TSHZ3: variants seen among roughly 807,000 people sequenced by gnomAD.
TSHZ3 encodes teashirt homolog 3.
A neutral mutation model predicts 64.5 loss-of-function variants in TSHZ3; 10 were observed. That is an observed-to-expected ratio of 0.16 (90% CI 0.10 to 0.26). The LOEUF (loss-of-function observed/expected upper bound fraction) is 0.26, where lower values mean the gene tolerates loss of function less well. TSHZ3 is among the 10% of genes least tolerant of loss of function. TSHZ3 has a pLI of 1.00. For synonymous variants in TSHZ3, 608 were observed against 593.1 expected (o/e 1.03, Z -0.36); for missense variants, 1,242 against 1,421.7 (o/e 0.87, Z 2.03).
At chr19:31,238,001 T>C (rs1975641751) in intron 3 of TSHZ3, among the ~76,000 whole-genome samples, 1 of 152,204 alleles carries the variant, frequency 6.6e-6, no homozygotes, top group African/African-American at 2.4e-5. Context: ...TGATATTTAT[T>C]TTATGACTAG....
chr19:31,235,550 G>A (rs1301767390), intron 3 of TSHZ3, among the ~76,000 whole-genome samples: 1 of 151,952 alleles, frequency 6.6e-6, no homozygotes, highest in Non-Finnish European at 1.5e-5. Context: ...GTATGTGTGT[G>A]TGTGTGTGTG....
chr19:31,199,754 A>G (rs867025492), intron 5 of TSHZ3, among the ~76,000 whole-genome samples: 6 of 146,028 alleles, frequency 4.1e-5, no homozygotes, highest in African/African-American at 1.0e-4. Flanking sequence ...GTTTTGCGAA[A>G]GACAGTGTCA....
intron 5 of TSHZ3, among the ~76,000 whole-genome samples, chr19:31,169,407 A>G (rs1974503878): frequency 6.6e-6 from 1 of 152,224 alleles, no homozygotes; most frequent in Admixed American, 6.5e-5. Flanking sequence ...TAAATAGGCA[A>G]AATGCCATAG....
chr19:31,177,931 A>G (rs1184133312), intron 5 of TSHZ3, among the ~76,000 whole-genome samples: 1 of 152,160 alleles, frequency 6.6e-6, no homozygotes, highest in Non-Finnish European at 1.5e-5. Flanking sequence ...AGGCTCCTGT[A>G]GTCCACTTTC....
chr19:31,225,471 T>C (rs1439249489), intron 4 of TSHZ3, among the ~76,000 whole-genome samples: 1 of 152,190 alleles, frequency 6.6e-6, no homozygotes, highest in Non-Finnish European at 1.5e-5. Flanking sequence ...CAGCAACATG[T>C]TCAACGCATC....
At chr19:31,178,931 C>T (rs1036562851) in intron 5 of TSHZ3, among the ~76,000 whole-genome samples, 1 of 152,156 alleles carries the variant, frequency 6.6e-6, no homozygotes, top group African/African-American at 2.4e-5. Context: ...AAATGTGCAC[C>T]TGTGCCTCTG....
intron 5 of TSHZ3, among the ~76,000 whole-genome samples, chr19:31,163,692 C>A (rs775432209): frequency 6.6e-6 from 1 of 152,178 alleles, no homozygotes; most frequent in Non-Finnish European, 1.5e-5. Flanking sequence ...GATGGTACCA[C>A]TGCACTCCAA....
chr19:31,252,323 A>G (rs1463325787), intron 1 of TSHZ3, among the ~76,000 whole-genome samples: 1 of 151,964 alleles, frequency 6.6e-6, no homozygotes, highest in African/African-American at 2.4e-5. Flanking sequence ...GTCTCTCCCT[A>G]TGCCAGCTCC....
intron 1 of TSHZ3, among the ~76,000 whole-genome samples, chr19:31,323,888 A>G (rs1017363601): frequency 6.6e-6 from 1 of 150,762 alleles, no homozygotes; most frequent in Non-Finnish European, 1.5e-5. Flanking sequence ...ACACACACAC[A>G]CACACACACA....
At chr19:31,290,608 G>C (rs572273915) in intron 1 of TSHZ3, among the ~76,000 whole-genome samples, 2 of 152,150 alleles carry the variant, frequency 1.3e-5, no homozygotes, top group Non-Finnish European at 2.9e-5. Context: ...CTGGGCACCC[G>C]GAGTCACCTA....
chr19:31,350,160 C>G (rs1426006539), upstream of TSHZ3, among the ~76,000 whole-genome samples: 1 of 149,266 alleles, frequency 6.7e-6, no homozygotes, highest in Non-Finnish European at 1.5e-5. Flanking sequence ...CGGGCCGGGG[C>G]TGGCGTCCCC....
In TSHZ3 at chr19:31,227,023, G is replaced by A. The variant is rs534811947; in HGVS notation, n.686+982C>T. On this transcript the variant is annotated intron_variant and non_coding_transcript_variant, in intron 4 of 6. Coordinates refer to the TSHZ3 transcript ENST00000651361. ...AGATGGAATTTCTCTTTGTCATCCA[G>A]GCTGGAGTGCAGTGGTGCCATCTCG... Among the ~76,000 whole-genome samples, 11 of 83,870 alleles carry A rather than the reference G, an allele frequency of 1.3e-4. No homozygotes were observed. The East Asian group carries it at 3.8e-3, about 29-fold the overall frequency. 55.0% of individuals were successfully genotyped at this position (83,870 alleles called of 152,430 possible).
intron 1 of TSHZ3, among the ~76,000 whole-genome samples, chr19:31,257,976 C>T (rs936739913): frequency 5.9e-5 from 9 of 152,136 alleles, no homozygotes; most frequent in African/African-American, 2.2e-4. Context: ...TTGGGAAGTG[C>T]AAGGGAGACA....
intron 1 of TSHZ3, among the ~76,000 whole-genome samples, chr19:31,285,475 C>T (rs1044942084): frequency 8.6e-5 from 8 of 92,830 alleles, no homozygotes; most frequent in African/African-American, 5.1e-4. Context: ...GTGATTCTGT[C>T]TCAAAAAAAA....
chr19:31,190,396 G>A (rs1470604496), intron 5 of TSHZ3, among the ~76,000 whole-genome samples: 1 of 152,144 alleles, frequency 6.6e-6, no homozygotes, highest in East Asian at 1.9e-4. Flanking sequence ...AGCCAGGACA[G>A]AGAAACCCCT....
At chr19:31,255,827 C>G (rs978540952) in intron 1 of TSHZ3, among the ~76,000 whole-genome samples, 13 of 152,204 alleles carry the variant, frequency 8.5e-5, no homozygotes, top group Admixed American at 6.5e-4. Flanking sequence ...CCAGGTAAGC[C>G]CCCCCTTACT....
intron 1 of TSHZ3, among the ~76,000 whole-genome samples, chr19:31,248,019 G>A (rs1178759655): frequency 1.3e-5 from 2 of 152,114 alleles, no homozygotes; most frequent in Non-Finnish European, 2.9e-5. Flanking sequence ...TGAAAGCTAC[G>A]TCTAACAAGG....
intron 1 of TSHZ3, among the ~76,000 whole-genome samples, chr19:31,291,520 A>G (rs547608823): frequency 6.6e-6 from 1 of 152,336 alleles, no homozygotes; most frequent in South Asian, 2.1e-4. Flanking sequence ...ACTCTCTTCC[A>G]ATGCCTTCTG....
intron 5 of TSHZ3, among the ~76,000 whole-genome samples, chr19:31,198,025 T>C (rs566166950): frequency 1.6e-4 from 24 of 152,160 alleles, no homozygotes; most frequent in African/African-American, 5.8e-4. Context: ...AAAATTCTCA[T>C]GGACATAGAT....
Sources: gnomAD v4.1 joint callset for allele counts (sites outside exome capture counted in the v4.1 genomes callset) on GRCh38, gnomAD v4.1.1 for gene constraint, MANE v1.5 for transcripts, NCBI Gene and HGNC (gene_info 2026-07-23, HGNC 2026-07-21) for gene names.